GPHN: variants seen among roughly 807,000 people sequenced by gnomAD.
The protein encoded by GPHN is gephyrin.
Under a neutral mutation model 95.5 loss-of-function variants are expected in GPHN, and 17 were observed. The ratio of observed to expected loss-of-function variants is 0.18; its 90% CI spans 0.12 to 0.27. The LOEUF (loss-of-function observed/expected upper bound fraction) is 0.27, where lower values mean the gene tolerates loss of function less well. Ranked by LOEUF, GPHN falls within the 10% of genes least tolerant of loss-of-function variation. The pLI, the probability that GPHN is intolerant of heterozygous loss-of-function variation, is 1.00. For missense variants in GPHN, 660 were observed against 978.1 expected, an observed-to-expected ratio of 0.67 and a Z score of 4.34; for synonymous variants, 320 against 322.5, an observed-to-expected ratio of 0.99 and a Z score of 0.08.
chr14:66,685,798 GT>G (rs1377365796), intron 2 of GPHN, among the ~76,000 whole-genome samples: 1 of 152,192 alleles, frequency 6.6e-6, no homozygotes, highest in Non-Finnish European at 1.5e-5. Flanking sequence ...TGCTTTTGGT[GT>G]TTTAGACATG....
intron 1 of GPHN, among the ~76,000 whole-genome samples, chr14:66,552,333 T>G (rs1490852259): frequency 6.6e-6 from 1 of 152,254 alleles, no homozygotes; most frequent in Non-Finnish European, 1.5e-5. Context: ...ACCTTACAAC[T>G]AAATAACTGC....
intron 16 of GPHN, among the ~76,000 whole-genome samples, chr14:67,120,229 G>C (rs1595229786): frequency 1.3e-5 from 2 of 151,488 alleles, no homozygotes; most frequent in Non-Finnish European, 2.9e-5. Flanking sequence ...GTTATGTTTT[G>C]TTTTACCTCA....
At chr14:67,027,897 A>G (rs2074005680) in intron 10 of GPHN, among the ~76,000 whole-genome samples, 1 of 152,164 alleles carries the variant, frequency 6.6e-6, no homozygotes, top group African/African-American at 2.4e-5. Context: ...TTCAAATCCT[A>G]TATTATAGTT....
chr14:67,511,822 G>T, the GPHN span, among the ~76,000 whole-genome samples: 134,530 of 152,030 alleles, frequency 0.88, 60,262 homozygotes, highest in Non-Finnish European at 0.95. Context: ...GGCCACACTG[G>T]GTATAAATGC....
chr14:66,814,524 C>T (rs1229780273), intron 3 of GPHN, among the ~76,000 whole-genome samples: 1 of 152,182 alleles, frequency 6.6e-6, no homozygotes, highest in Non-Finnish European at 1.5e-5. Context: ...AGCACACAGT[C>T]CAGGAGTTGG....
the GPHN span, among the ~76,000 whole-genome samples, chr14:67,204,150 A>G: frequency 3.3e-5 from 5 of 152,132 alleles, no homozygotes; most frequent in Non-Finnish European, 5.9e-5. Context: ...AAAATATAAG[A>G]AAGAGGCTGG....
intron 11 of GPHN, among the ~76,000 whole-genome samples, chr14:67,074,224 T>TCCTACATTG (rs1444716923): frequency 6.6e-6 from 1 of 151,750 alleles, no homozygotes; most frequent in East Asian, 1.9e-4. Flanking sequence ...TTTGTGGCAG[T>TCCTACATTG]CCTACATTGA....
At chr14:67,413,941 G>T in the GPHN span, among the ~76,000 whole-genome samples, 2 of 152,224 alleles carry the variant, frequency 1.3e-5, no homozygotes, top group African/African-American at 4.8e-5. Flanking sequence ...CTTGCCCAAG[G>T]TTATGCAGCT....
the GPHN span, chr14:67,620,056 G>A: frequency 1.2e-6 from 2 of 1,611,114 alleles, no homozygotes; most frequent in African/African-American, 1.3e-5. Flanking sequence ...CCACTCCGTG[G>A]CTGTGATAGG....
At chr14:66,511,740 A>T (rs2058047163) in intron 1 of GPHN, among the ~76,000 whole-genome samples, 1 of 152,042 alleles carries the variant, frequency 6.6e-6, no homozygotes, top group Admixed American at 6.5e-5. Flanking sequence ...TAGAAAGGGA[A>T]ATATTTAGCA....
chr14:67,489,104 C>A, the GPHN span, among the ~76,000 whole-genome samples: 2 of 152,142 alleles, frequency 1.3e-5, no homozygotes, highest in Non-Finnish European at 2.9e-5. Flanking sequence ...AATGATGAGC[C>A]CTTATAGCAA....
chr14:67,301,371 T>G, the GPHN span: 13 of 1,579,844 alleles, frequency 8.2e-6, no homozygotes, highest in African/African-American at 1.2e-4. Flanking sequence ...AAGAATAATC[T>G]TTATTTTTGT....
intron 11 of GPHN, among the ~76,000 whole-genome samples, chr14:67,060,275 C>T (rs2075773868): frequency 6.7e-6 from 1 of 150,312 alleles, no homozygotes. Context: ...CATATGTATT[C>T]TCTTTTCCCT....
At chr14:67,135,314 T>C (rs904331828) in intron 17 of GPHN, among the ~76,000 whole-genome samples, 1 of 152,188 alleles carries the variant, frequency 6.6e-6, no homozygotes. Flanking sequence ...CACTACTGTT[T>C]TCTCTCCTCC....
intron 13 of GPHN, among the ~76,000 whole-genome samples, chr14:67,102,906 G>A (rs1043448304): frequency 1.3e-5 from 2 of 152,086 alleles, no homozygotes; most frequent in Non-Finnish European, 2.9e-5. Context: ...AAGCTAAGTT[G>A]GCACTATAGT....
the GPHN span, among the ~76,000 whole-genome samples, chr14:67,233,391 C>T: frequency 6.6e-6 from 1 of 152,172 alleles, no homozygotes; most frequent in African/African-American, 2.4e-5. Flanking sequence ...ATCTGCCCAC[C>T]TTGGCTTCCC....
intron 4 of GPHN, 147 bp downstream of exon 4, chr14:66,824,713 A>T: frequency 1.8e-6 from 1 of 568,904 alleles, no homozygotes; most frequent in Non-Finnish European, 3.1e-6. Context: ...TTTGCTGTGG[A>T]TGAATTGTGA....
the GPHN span, among the ~76,000 whole-genome samples, chr14:67,626,624 C>A: frequency 6.6e-6 from 1 of 152,160 alleles, no homozygotes; most frequent in Non-Finnish European, 1.5e-5. Context: ...GCAAGCACCA[C>A]CATGCCCAGC....
At chr14:66,561,879 A>G (rs1395597863) in intron 1 of GPHN, among the ~76,000 whole-genome samples, 1 of 152,094 alleles carries the variant, frequency 6.6e-6, no homozygotes, top group Non-Finnish European at 1.5e-5. Flanking sequence ...GCTCGCAGGG[A>G]GAATCCAGTT....
Sources: gnomAD v4.1 joint callset for allele counts (sites outside exome capture counted in the v4.1 genomes callset) on GRCh38, gnomAD v4.1.1 for gene constraint, MANE v1.5 for transcripts, NCBI Gene and HGNC (gene_info 2026-07-23, HGNC 2026-07-21) for gene names.